MUSK: variants seen among roughly 807,000 people sequenced by gnomAD.
The protein encoded by MUSK is muscle, skeletal receptor tyrosine-protein kinase.
Under a neutral mutation model 88.7 loss-of-function variants are expected in MUSK, and 55 were observed. The observed-to-expected ratio is 0.62, with a 90% CI of 0.50 to 0.78. MUSK has a LOEUF of 0.78. Among genes scored for constraint, MUSK ranks in the 30% least tolerant of loss-of-function variants. MUSK has a pLI of 0.00. For synonymous variants in MUSK, 387 were observed against 391.9 expected, an observed-to-expected ratio of 0.99 and a Z score of 0.15; for missense variants, 1,015 against 1,074.3, an observed-to-expected ratio of 0.94 and a Z score of 0.77.
chr9:110,735,787 G>A (rs1334635511), intron 6 of MUSK, among the ~76,000 whole-genome samples: 1 of 152,028 alleles, frequency 6.6e-6, no homozygotes, highest in Middle Eastern at 3.2e-3. Context: ...TTACAATCAT[G>A]GCAGAAAGCA....
intron 1 of MUSK, among the ~76,000 whole-genome samples, chr9:110,674,166 T>C (rs1587874770): frequency 6.6e-6 from 1 of 152,140 alleles, no homozygotes; most frequent in East Asian, 1.9e-4. Context: ...CTGTGGCCAG[T>C]CTCAAGCTAC....
intron 7 of MUSK, among the ~76,000 whole-genome samples, chr9:110,751,994 T>C (rs2131890170): frequency 6.6e-6 from 1 of 152,314 alleles, no homozygotes; most frequent in South Asian, 2.1e-4. Context: ...GCTACACATC[T>C]AGTGTTATTC....
intron 5 of MUSK, among the ~76,000 whole-genome samples, chr9:110,702,382 A>C (rs888171831): frequency 1.3e-5 from 2 of 152,162 alleles, no homozygotes; most frequent in Non-Finnish European, 2.9e-5. Context: ...GTTAGCATTC[A>C]AAACCTTGTA....
At chr9:110,696,933 T>G (rs935110548) in intron 4 of MUSK, among the ~76,000 whole-genome samples, 3 of 151,594 alleles carry the variant, frequency 2.0e-5, no homozygotes, top group African/African-American at 7.3e-5. Context: ...TAGTTTTGTA[T>G]GTCTCACCAC....
intron 14 of MUSK, among the ~76,000 whole-genome samples, chr9:110,797,124 TAAAAAAATA>T (rs2078010147): frequency 5.6e-5 from 1 of 17,728 alleles, no homozygotes; most frequent in Admixed American, 7.8e-4. Flanking sequence ...AACAAAAAAA[TAAAAAAATA>T]AAAAATAAAA....
At chr9:110,755,903 A>T (rs2077304553) in intron 7 of MUSK, among the ~76,000 whole-genome samples, 1 of 135,468 alleles carries the variant, frequency 7.4e-6, no homozygotes, top group Non-Finnish European at 1.6e-5. Context: ...TGCAAGGTAC[A>T]TTCTCAGTGC....
At chr9:110,745,427 T>G (rs1476172792) in intron 6 of MUSK, among the ~76,000 whole-genome samples, 3 of 152,226 alleles carry the variant, frequency 2.0e-5, no homozygotes, top group Non-Finnish European at 4.4e-5. Context: ...TTTTGCAAAC[T>G]GTTCTGCTTT....
At chr9:110,723,381 A>G (rs2076840410) in intron 5 of MUSK, among the ~76,000 whole-genome samples, 1 of 152,036 alleles carries the variant, frequency 6.6e-6, no homozygotes, top group South Asian at 2.1e-4. Flanking sequence ...TGGAAAACCA[A>G]ACATTGTATG....
intron 7 of MUSK, 59 bp downstream of exon 7, chr9:110,747,859 A>T: frequency 6.4e-7 from 1 of 1,561,924 alleles, no homozygotes; most frequent in Non-Finnish European, 8.8e-7. Flanking sequence ...ATACTATTCT[A>T]CAATATCGAG....
intron 7 of MUSK, chr9:110,761,863 C>A: frequency 4.1e-6 from 4 of 980,958 alleles, no homozygotes; most frequent in Non-Finnish European, 4.8e-6. Context: ...CGTGAGCCAC[C>A]GCGCCCGGCC....
At chr9:110,669,440 C>T (rs1350542277) in intron 1 of MUSK, among the ~76,000 whole-genome samples, 1 of 152,144 alleles carries the variant, frequency 6.6e-6, no homozygotes, top group Non-Finnish European at 1.5e-5. Context: ...TTGCCAAACT[C>T]TTAATAAATA....
chr9:110,702,639 T>A (rs62571359), intron 5 of MUSK, among the ~76,000 whole-genome samples: 5,446 of 152,246 alleles, frequency 0.036, 108 homozygotes, highest in Non-Finnish European at 0.048. Context: ...CTGGGCACAG[T>A]GGCTCACCCC....
chr9:110,672,095 A>G lies in MUSK; in HGVS notation c.79+3112A>G, dbSNP rs145905796. ...TCCTGGATGAATATTTTATATTGAC[A>G]TGCATTGAAAGAGTTACTCATTGCA... On this transcript the variant is annotated intron_variant, in intron 1 of 14. Coordinates refer to ENST00000374448, the MANE Select transcript of MUSK (RefSeq NM_005592.4). Among the ~76,000 whole-genome samples, 559 of 152,340 alleles carry G rather than the reference A, an allele frequency of 3.7e-3. 5 individuals carry two copies. The highest frequency in any genetic ancestry group is 0.013 in the African/African-American group (537 of 41,584).
rs368386911 is a variant in MUSK, at chr9:110,669,000, G to A, written c.79+17G>A. ...TTCCAAAAGGTTGGTTTGAGCAATC[G>A]TGTCTTCTTGTTGTCTTGTCATGGT... is the stretch of plus-strand genomic sequence containing the variant. On this transcript the variant is annotated intron_variant, in intron 1 of 14. Transcript: ENST00000374448. The A allele has an allele frequency of 6.3e-6, 10 of 1,596,840 alleles. No homozygotes were observed. Among genetic ancestry groups the A allele is most frequent in the African/African-American group, 2.7e-5 (2 of 74,592 alleles).
chr9:110,781,734 C>G (rs561228228), intron 11 of MUSK, among the ~76,000 whole-genome samples: 1 of 152,308 alleles, frequency 6.6e-6, no homozygotes, highest in South Asian at 2.1e-4. Flanking sequence ...TCCTCATAGA[C>G]ATAGCTGTCT....
rs1228366996 is a variant in MUSK at position 110,773,283 on chromosome 9, CTT to C, written c.1185-2503_1185-2502del. On this transcript the variant is annotated intron_variant, in intron 9 of 14. Coordinates refer to ENST00000374448, the MANE Select transcript of MUSK (RefSeq NM_005592.4). Reference sequence around the variant, plus strand: ...ACAAACGGAGAGGAGAAAGTTGTAACTTTAAAAATAAGGTGTTCAGGGTAGAC... The same window carrying C: ...ACAAACGGAGAGGAGAAAGTTGTAACTAAAAATAAGGTGTTCAGGGTAGAC... Among the ~76,000 whole-genome samples, 6 of 152,048 alleles carry C rather than the reference CTT, an allele frequency of 3.9e-5. No individual in the cohort carries two copies. In the East Asian group the frequency reaches 1.2e-3, roughly 29 times the overall value.
chr9:110,715,410 T>C (rs1216266515), intron 5 of MUSK, among the ~76,000 whole-genome samples: 1 of 148,998 alleles, frequency 6.7e-6, no homozygotes, highest in Non-Finnish European at 1.5e-5. Context: ...GAGAGTGAAG[T>C]GAGGATCCAA....
At position 110,784,972 on chromosome 9, in the gene MUSK, T is replaced by G. The variant is rs762656586; in HGVS notation, c.1542T>G (p.Thr514=). 9 of 1,613,658 alleles carry G rather than the reference T, an allele frequency of 5.6e-6. No homozygotes were observed. The African/African-American group carries it at 1.2e-4, about 22-fold the overall frequency. ...TATTTGTGCTTCTTACCATAACTAC[T>G]CTCTATTGCTGCCGAAGAAGAAAAC... ...FAIFVLLTIT[T]LYCCRRRKQW... The change falls in exon 12 of 15, where the codon ACT becomes ACG. Residue 514 remains threonine, a synonymous_variant. Transcript: ENST00000374448.
chr9:110,671,674 C>T (rs2075958782), intron 1 of MUSK, among the ~76,000 whole-genome samples: 1 of 152,160 alleles, frequency 6.6e-6, no homozygotes. Flanking sequence ...AATTCAGTGC[C>T]ATAACCCAAG....
Sources: allele counts gnomAD v4.1 joint callset (sites outside exome capture counted in the v4.1 genomes callset), GRCh38; gene constraint gnomAD v4.1.1; transcripts MANE v1.5; gene names NCBI Gene and HGNC (gene_info 2026-07-23, HGNC 2026-07-21).